Variants in ETFDH observed in about 807,000 individuals in gnomAD.
The protein encoded by ETFDH is electron transfer flavoprotein dehydrogenase.
In ETFDH, 61 loss-of-function variants were observed where a neutral mutation model predicts 73.2. The ratio of observed to expected loss-of-function variants is 0.83; its 90% CI spans 0.68 to 1.03. The LOEUF is 1.03. Ranked by LOEUF, ETFDH falls within the 50% of genes least tolerant of loss-of-function variation. The probability of loss-of-function intolerance (pLI) is 0.00; values close to 1 mark genes in which losing one functional copy is unlikely to be tolerated. For synonymous variants in ETFDH, 243 were observed against 253.3 expected, an observed-to-expected ratio of 0.96 and a Z score of 0.39; for missense variants, 685 against 745.0, an observed-to-expected ratio of 0.92 and a Z score of 0.94.
At position 158,695,482 on chromosome 4, in the gene ETFDH, G is replaced by A. The variant is rs1459655719; in HGVS notation, c.685-15G>A. ...ATTGTCAAATGTTGCCATTTAACAT[G>A]TTTTTGCTTTTCAGGCAACATTTGA... On this transcript the variant is annotated splice_polypyrimidine_tract_variant and intron_variant, in intron 6 of 12. Coordinates refer to ENST00000511912, the MANE Select transcript of ETFDH (RefSeq NM_004453.4). The A allele has an allele frequency of 1.2e-6, 2 of 1,608,466 alleles. No homozygotes were observed. The highest frequency in any genetic ancestry group is 1.7e-6 in the Non-Finnish European group (2 of 1,175,480).
At chr4:158,698,847 G>A (rs1774380981) in intron 8 of ETFDH, 140 bp from the exon 9 acceptor site, 4 of 596,838 alleles carry the variant, frequency 6.7e-6, no homozygotes, top group Non-Finnish European at 9.0e-6. Flanking sequence ...TTTACATTTG[G>A]ATTACTGCAC....
intron 7 of ETFDH, among the ~76,000 whole-genome samples, chr4:158,696,746 G>T (rs4320099): frequency 0.94 from 143,140 of 152,178 alleles, 67,885 homozygotes; most frequent in East Asian, 1. Context: ...TTTCAATTGT[G>T]GGGGGCAGGG....
chr4:158,680,966 TGATA>T (rs1459537246), intron 2 of ETFDH, among the ~76,000 whole-genome samples: 21 of 152,366 alleles, frequency 1.4e-4, no homozygotes, highest in Admixed American at 1.4e-3. Flanking sequence ...GTACAGTACA[TGATA>T]CTTGATAATA....
chr4:158,706,525 ATTTC>A (rs1774622970), intron 11 of ETFDH, 100 bp from the exon 12 acceptor site: 1 of 1,125,958 alleles, frequency 8.9e-7, no homozygotes, highest in South Asian at 1.2e-5. Flanking sequence ...GGCTAGTCAT[ATTTC>A]TTTGGTGTGA....
intron 10 of ETFDH, among the ~76,000 whole-genome samples, chr4:158,705,041 T>C (rs1774570250): frequency 6.6e-6 from 1 of 151,940 alleles, no homozygotes; most frequent in African/African-American, 2.4e-5. Flanking sequence ...CACCAAAGAC[T>C]AGATTGAGGG....
intron 7 of ETFDH, 76 bp from the exon 8 acceptor site, chr4:158,697,483 G>C (rs564344163): frequency 7.9e-7 from 1 of 1,265,330 alleles, no homozygotes; most frequent in South Asian, 1.3e-5. Context: ...AACCTGGCAA[G>C]TTTTATGCAT....
chr4:158,707,399 T>C (rs1009947839), intron 12 of ETFDH, among the ~76,000 whole-genome samples: 1 of 152,208 alleles, frequency 6.6e-6, no homozygotes, highest in African/African-American at 2.4e-5. Context: ...GCTTTTGTCA[T>C]TACAGTGGGT....
chr4:158,706,428 G>C (rs1561251550), intron 11 of ETFDH, 57 bp downstream of exon 11: 4 of 1,351,944 alleles, frequency 3.0e-6, no homozygotes, highest in South Asian at 1.2e-5. Flanking sequence ...AATGGGATCT[G>C]TTAATTAGAG....
intron 5 of ETFDH, among the ~76,000 whole-genome samples, chr4:158,687,935 G>A (rs1159009885): frequency 1.3e-5 from 2 of 152,122 alleles, no homozygotes; most frequent in Admixed American, 6.5e-5. Context: ...AGCTACTTGG[G>A]AGGCTGAAGC....
Position 158,672,492 on chromosome 4 carries a change from T to A in ETFDH, c.34+2T>A. ...CGCTAGCCAAGCTGTCCTGCCTGGGTGAGAGGAAACGGGCGGTGGGGATAA... is the reference window on the plus strand; with the variant it reads ...CGCTAGCCAAGCTGTCCTGCCTGGGAGAGAGGAAACGGGCGGTGGGGATAA... On this transcript the variant is annotated splice_donor_variant, in intron 1 of 12. Transcript: ENST00000511912. LOFTEE classifies it high-confidence loss of function. 1 of 1,613,940 alleles carries A rather than the reference T, an allele frequency of 6.2e-7. No homozygotes were observed. The highest frequency in any genetic ancestry group is 8.5e-7 in the Non-Finnish European group (1 of 1,179,952).
Position 158,690,447 on chromosome 4 carries a change from G to A in ETFDH, c.684+22G>A, listed in dbSNP as rs375702310. On this transcript the variant is annotated intron_variant, in intron 6 of 12. Coordinates refer to ENST00000511912, the MANE Select transcript of ETFDH (RefSeq NM_004453.4). The stretch of plus-strand genomic sequence containing the variant: ...AAAGGTAAACCTTTTTAATAGTTAC[G>A]TGCTTAATAAAGCGACAAACAACAG... The A allele has an allele frequency of 8.3e-5, 110 of 1,321,272 alleles. 1 individual carries two copies. The highest frequency in any genetic ancestry group is 1.1e-4 in the Non-Finnish European group (102 of 912,932). The allele number at this position is 1,321,272 out of a possible 1,614,324, so 81.8% of individuals were successfully genotyped here. A position where few individuals can be genotyped will look rare whatever the true frequency, so the allele number is the denominator to read the frequency against.
chr4:158,681,203 TA>T (rs1773851272), intron 2 of ETFDH, among the ~76,000 whole-genome samples: 1 of 152,188 alleles, frequency 6.6e-6, no homozygotes, highest in African/African-American at 2.4e-5. Flanking sequence ...AGGTGAAAGA[TA>T]TTGATGATCC....
At chr4:158,683,508 A>C (rs892266262) in intron 3 of ETFDH, among the ~76,000 whole-genome samples, 2 of 152,222 alleles carry the variant, frequency 1.3e-5, no homozygotes, top group African/African-American at 4.8e-5. Flanking sequence ...TCAGAAATGG[A>C]TATTATTGAA....
At chr4:158,687,315 A>G (rs1774030904) in intron 5 of ETFDH, among the ~76,000 whole-genome samples, 1 of 152,180 alleles carries the variant, frequency 6.6e-6, no homozygotes, top group Admixed American at 6.5e-5. Flanking sequence ...GACGATTAAG[A>G]GACAGGGACA....
chr4:158,690,585 A>G (rs954757547), intron 6 of ETFDH, among the ~76,000 whole-genome samples, 160 bp downstream of exon 6: 1 of 152,204 alleles, frequency 6.6e-6, no homozygotes, highest in Non-Finnish European at 1.5e-5. Flanking sequence ...AGGCTGAAAC[A>G]GGAGGATCAC....
intron 3 of ETFDH, among the ~76,000 whole-genome samples, chr4:158,682,987 T>C (rs1773904296): frequency 6.6e-6 from 1 of 152,238 alleles, no homozygotes; most frequent in Non-Finnish European, 1.5e-5. Context: ...GAGAAGACCT[T>C]TGAATATTTC....
Position 158,709,266 on chromosome 4 carries a change from A to C in ETFDH, c.*739A>C, listed in dbSNP as rs561275274. The C allele has an allele frequency of 3.3e-5, 5 of 153,688 alleles. No homozygotes were observed. The highest frequency in any genetic ancestry group is 1.2e-4 in the African/African-American group (5 of 41,562). 9.5% of individuals were successfully genotyped at this position (153,688 alleles called of 1,614,324 possible). A position where few individuals can be genotyped will look rare whatever the true frequency, so the allele number is the denominator to read the frequency against. The stretch of plus-strand genomic sequence containing the variant: ...TACTTGGCCGGGCACGGTGGCTCAC[A>C]CCTGTAATCCCAGCACTTTGGGAGG... On this transcript the variant is annotated 3_prime_UTR_variant, in exon 13 of 13. Transcript: ENST00000511912.
intron 9 of ETFDH, among the ~76,000 whole-genome samples, chr4:158,701,083 A>C (rs553484725): frequency 6.6e-6 from 1 of 152,334 alleles, no homozygotes; most frequent in African/African-American, 2.4e-5. Flanking sequence ...TGAATGTCCC[A>C]AACAAGGTGC....
At chr4:158,706,545 T>C (rs1412239984) in intron 11 of ETFDH, 84 bp from the exon 12 acceptor site, 2 of 1,224,144 alleles carry the variant, frequency 1.6e-6, no homozygotes, top group Non-Finnish European at 2.4e-6. Flanking sequence ...TGTGATAATA[T>C]TTTGAAGTTT....
Sources: allele counts gnomAD v4.1 joint callset (sites outside exome capture counted in the v4.1 genomes callset), GRCh38; gene constraint gnomAD v4.1.1; transcripts MANE v1.5; gene names NCBI Gene and HGNC (gene_info 2026-07-23, HGNC 2026-07-21).